The following RBFOX1 variants were observed in gnomAD, a reference collection of about 807,000 sequenced individuals.
RBFOX1 encodes RNA binding protein fox-1 homolog 1.
Under a neutral mutation model 57.7 loss-of-function variants are expected in RBFOX1, and 8 were observed. The observed-to-expected ratio is 0.14, with a 90% CI of 0.08 to 0.25. The LOEUF is 0.25. RBFOX1 is among the 10% of genes least tolerant of loss of function. The probability of loss-of-function intolerance (pLI) is 1.00; values close to 1 mark genes in which losing one functional copy is unlikely to be tolerated. For missense variants in RBFOX1, 611 were observed against 548.5 expected (o/e 1.11, Z -1.14); for synonymous variants, 326 against 222.4 (o/e 1.47, Z -4.15).
chr16:5,892,705 G>C (rs757107976), intron 4 of RBFOX1, among the ~76,000 whole-genome samples: 5 of 152,194 alleles, frequency 3.3e-5, no homozygotes, highest in Admixed American at 1.3e-4. Flanking sequence ...CCTAAGTCAA[G>C]ATATGCAGCA....
intron 2 of RBFOX1, among the ~76,000 whole-genome samples, chr16:5,531,747 C>G (rs1406254903): frequency 6.6e-6 from 1 of 151,542 alleles, no homozygotes; most frequent in African/African-American, 2.4e-5. Flanking sequence ...TCTATTAAGT[C>G]TCATTTCTAG....
chr16:6,288,068 C>T (rs1224973419), intron 1 of RBFOX1, among the ~76,000 whole-genome samples: 1 of 152,198 alleles, frequency 6.6e-6, no homozygotes, highest in African/African-American at 2.4e-5. Flanking sequence ...ACATGTTCCA[C>T]TTTGTGACTT....
intron 4 of RBFOX1, among the ~76,000 whole-genome samples, chr16:7,373,638 A>G (rs990377141): frequency 6.6e-6 from 1 of 152,324 alleles, no homozygotes; most frequent in East Asian, 1.9e-4. Flanking sequence ...GGCTTCTGCT[A>G]TTTTGCTCAG....
intron 12 of RBFOX1, among the ~76,000 whole-genome samples, chr16:7,659,901 T>C (rs1330291951): frequency 6.6e-6 from 1 of 152,142 alleles, no homozygotes; most frequent in East Asian, 1.9e-4. Flanking sequence ...TTAAAAATTC[T>C]CTAGGAAAAT....
chr16:6,343,448 A>G (rs1483560198), intron 2 of RBFOX1, among the ~76,000 whole-genome samples: 1 of 152,190 alleles, frequency 6.6e-6, no homozygotes, highest in Non-Finnish European at 1.5e-5. Context: ...ACATTGAAGA[A>G]CTGAAGTGAG....
intron 1 of RBFOX1, among the ~76,000 whole-genome samples, chr16:5,408,011 T>A (rs1368190089): frequency 6.6e-6 from 1 of 152,254 alleles, no homozygotes; most frequent in East Asian, 1.9e-4. Flanking sequence ...CTTTGTGTCC[T>A]CCACCTCCTG....
intron 4 of RBFOX1, among the ~76,000 whole-genome samples, chr16:7,070,501 G>A (rs1283888125): frequency 1.3e-5 from 2 of 152,144 alleles, no homozygotes; most frequent in African/African-American, 4.8e-5. Context: ...AATCTTGATT[G>A]CATATGTGTC....
chr16:7,138,466 C>G (rs1050660015), intron 4 of RBFOX1, among the ~76,000 whole-genome samples: 2 of 152,094 alleles, frequency 1.3e-5, no homozygotes, highest in Non-Finnish European at 2.9e-5. Flanking sequence ...CCAGACCCAA[C>G]CAGGACAAAG....
chr16:6,588,250 C>G (rs573870050), intron 2 of RBFOX1, among the ~76,000 whole-genome samples: 3 of 151,760 alleles, frequency 2.0e-5, no homozygotes, highest in East Asian at 3.9e-4. Flanking sequence ...AAAAGAAAGG[C>G]AGTTTTGCTA....
At chr16:6,035,144 A>G (rs944034170) in intron 1 of RBFOX1, among the ~76,000 whole-genome samples, 3 of 152,216 alleles carry the variant, frequency 2.0e-5, no homozygotes, top group African/African-American at 4.8e-5. Flanking sequence ...CATGACAACC[A>G]AAGACGTCTC....
At chr16:5,239,832 G>A (rs1156513466) in exon 1 of RBFOX1, 78 of 1,092,126 alleles carry the variant, frequency 7.1e-5, no homozygotes, top group Non-Finnish European at 9.2e-5. Flanking sequence ...CCGCCGAGAG[G>A]CCGCTCGCGC....
At chr16:6,401,457 C>T (rs1031183958) in intron 2 of RBFOX1, among the ~76,000 whole-genome samples, 8 of 152,308 alleles carry the variant, frequency 5.3e-5, no homozygotes, top group South Asian at 2.1e-4. Context: ...ACCTCACCAA[C>T]ATTGGACTGT....
At chr16:6,806,684 T>C (rs2086836244) in intron 3 of RBFOX1, among the ~76,000 whole-genome samples, 1 of 151,004 alleles carries the variant, frequency 6.6e-6, no homozygotes, top group Non-Finnish European at 1.5e-5. Flanking sequence ...ATAATATTGA[T>C]ATTAATGAGG....
chr16:6,052,711 G>C (rs1238517007), intron 1 of RBFOX1, among the ~76,000 whole-genome samples: 1 of 151,922 alleles, frequency 6.6e-6, no homozygotes, highest in African/African-American at 2.4e-5. Context: ...GTGAACCCGG[G>C]AGGCGGAGCT....
At chr16:7,312,257 G>A (rs1340465357) in intron 4 of RBFOX1, among the ~76,000 whole-genome samples, 1 of 152,182 alleles carries the variant, frequency 6.6e-6, no homozygotes, top group South Asian at 2.1e-4. Context: ...GAGCACACTT[G>A]TAATCCCAGC....
chr16:5,805,959 T>C (rs1052010993), intron 3 of RBFOX1, among the ~76,000 whole-genome samples: 1 of 152,156 alleles, frequency 6.6e-6, no homozygotes, highest in South Asian at 2.1e-4. Context: ...CCTGCATAGA[T>C]CCTAGCACAG....
At chr16:6,946,973 TC>T (rs1361366643) in intron 3 of RBFOX1, among the ~76,000 whole-genome samples, 1 of 152,152 alleles carries the variant, frequency 6.6e-6, no homozygotes, top group East Asian at 1.9e-4. Flanking sequence ...TGTATTTGAA[TC>T]CCAGCCTGAC....
At position 6,859,127 on chromosome 16, in the gene RBFOX1, A is replaced by ATATATG. The variant is rs1555536694; in HGVS notation, c.-15-192928_-15-192927insTATGTA. On this transcript the variant is annotated intron_variant, in intron 3 of 15. Transcript: ENST00000550418. ...AAAAAAAGTGTATATATATATATAT[A>ATATATG]TACATATATATACGTATATATATAT... Among the ~76,000 whole-genome samples the ATATATG allele has an allele frequency of 3.1e-4, 21 of 67,888 alleles. 2 individuals carry two copies. Among genetic ancestry groups the ATATATG allele is most frequent in the Admixed American group, 8.5e-4 (5 of 5,850 alleles). The allele number at this position is 67,888 out of a possible 152,430, so 44.5% of individuals were successfully genotyped here. A position where few individuals can be genotyped will look rare whatever the true frequency, so the allele number is the denominator to read the frequency against.
chr16:7,202,427 A>G (rs2088809158), intron 4 of RBFOX1, among the ~76,000 whole-genome samples: 1 of 152,168 alleles, frequency 6.6e-6, no homozygotes, highest in Non-Finnish European at 1.5e-5. Flanking sequence ...GGAGATTCCC[A>G]AATAATTAAA....
Sources: gnomAD v4.1 joint callset for allele counts (sites outside exome capture counted in the v4.1 genomes callset) on GRCh38, gnomAD v4.1.1 for gene constraint, MANE v1.5 for transcripts, NCBI Gene and HGNC (gene_info 2026-07-23, HGNC 2026-07-21) for gene names.